Variants in PCDH15 observed in about 807,000 individuals in gnomAD.
The protein encoded by PCDH15 is protocadherin-15.
A neutral mutation model predicts 178.5 loss-of-function variants in PCDH15; 129 were observed. The observed-to-expected ratio is 0.72, with a 90% CI of 0.63 to 0.84. The LOEUF (loss-of-function observed/expected upper bound fraction) is 0.84. Among genes scored for constraint, PCDH15 ranks in the 40% least tolerant of loss-of-function variants. PCDH15 has a pLI of 0.00. For missense variants in PCDH15, 2,230 were observed against 2,099.9 expected (o/e 1.06, Z -1.21); for synonymous variants, 800 against 732.0 (o/e 1.09, Z -1.50).
At chr10:54,766,159 G>C (rs1948488213) in intron 1 of PCDH15, among the ~76,000 whole-genome samples, 1 of 152,048 alleles carries the variant, frequency 6.6e-6, no homozygotes, top group African/African-American at 2.4e-5. Flanking sequence ...AATAAAATGA[G>C]TAATACGTTT....
At chr10:54,281,345 A>G (rs1056760446) in intron 8 of PCDH15, among the ~76,000 whole-genome samples, 4 of 152,006 alleles carry the variant, frequency 2.6e-5, no homozygotes, top group Non-Finnish European at 5.9e-5. Flanking sequence ...ACCTGGCATC[A>G]TGTCTAAAAA....
intron 1 of PCDH15, among the ~76,000 whole-genome samples, chr10:54,707,855 G>A (rs1008503258): frequency 1.3e-5 from 2 of 152,108 alleles, no homozygotes; most frequent in East Asian, 3.9e-4. Context: ...CCCATAAAGA[G>A]ATCATTTTAA....
At chr10:54,673,169 C>T (rs1265583444) in intron 1 of PCDH15, among the ~76,000 whole-genome samples, 2 of 152,030 alleles carry the variant, frequency 1.3e-5, no homozygotes, top group South Asian at 2.1e-4. Context: ...TTTGCTGCAC[C>T]GACCAACCCG....
chr10:54,531,319 T>C (rs1179102642), intron 2 of PCDH15, among the ~76,000 whole-genome samples: 2 of 152,184 alleles, frequency 1.3e-5, no homozygotes, highest in African/African-American at 4.8e-5. Flanking sequence ...TACCAATAAC[T>C]GAATGCTCAG....
At chr10:53,864,417 C>T (rs1263755086) in intron 27 of PCDH15, among the ~76,000 whole-genome samples, 1 of 152,214 alleles carries the variant, frequency 6.6e-6, no homozygotes, top group African/African-American at 2.4e-5. Context: ...CTAAAACCTT[C>T]CCCCTTCCCC....
intron 5 of PCDH15, among the ~76,000 whole-genome samples, chr10:54,359,171 A>G (rs1945566078): frequency 1.3e-5 from 2 of 152,166 alleles, no homozygotes; most frequent in South Asian, 4.2e-4. Context: ...AAAAACAAAA[A>G]ACAAAACACA....
intron 18 of PCDH15, among the ~76,000 whole-genome samples, chr10:54,042,820 C>A (rs2093577676): frequency 6.6e-6 from 1 of 152,082 alleles, no homozygotes. Context: ...CAGAAATTGA[C>A]TGTAAGAGGG....
chr10:53,910,419 C>T (rs924449528), intron 25 of PCDH15, among the ~76,000 whole-genome samples: 2 of 152,098 alleles, frequency 1.3e-5, no homozygotes, highest in African/African-American at 4.8e-5. Flanking sequence ...AGCTAAGGGA[C>T]CTGACTGTTA....
intron 2 of PCDH15, among the ~76,000 whole-genome samples, chr10:55,611,241 A>C (rs1319608043): frequency 1.3e-5 from 2 of 152,154 alleles, no homozygotes; most frequent in Non-Finnish European, 2.9e-5. Context: ...ACAGAATGAG[A>C]GAAAATATTT....
In PCDH15 at chr10:54,630,647, A is replaced by T. The variant is rs574821885; in HGVS notation, c.91+33525T>A. Among the ~76,000 whole-genome samples the T allele has an allele frequency of 2.6e-5, 4 of 152,298 alleles. No individual in the cohort carries two copies. In the South Asian group the frequency reaches 6.2e-4, roughly 24 times the overall value. On this transcript the variant is annotated intron_variant, in intron 2 of 37. Coordinates refer to ENST00000644397, the MANE Select transcript of PCDH15 (RefSeq NM_001384140.1). ...ATTGCAAAAACAAAAATTACAAAAA[A>T]TAAAAATTGACAGTTGGGACCCTAA... is the stretch of plus-strand genomic sequence containing the variant.
chr10:55,476,390 T>C (rs1840062503), intron 2 of PCDH15, among the ~76,000 whole-genome samples: 1 of 152,044 alleles, frequency 6.6e-6, no homozygotes, highest in Non-Finnish European at 1.5e-5. Context: ...TCTCATTCCA[T>C]CATCATGCAG....
chr10:54,197,183 G>A (rs1485847870), intron 10 of PCDH15, among the ~76,000 whole-genome samples: 1 of 150,284 alleles, frequency 6.7e-6, no homozygotes. Context: ...ATATTCTTAT[G>A]TATAAATTTT....
chr10:54,875,277 TA>T (rs1170336934), intron 3 of PCDH15, among the ~76,000 whole-genome samples: 1 of 152,134 alleles, frequency 6.6e-6, no homozygotes, highest in African/African-American at 2.4e-5. Flanking sequence ...TATAAGACAG[TA>T]AACTTAATTG....
chr10:54,595,184 T>G (rs1293489861), intron 2 of PCDH15, among the ~76,000 whole-genome samples: 1 of 152,180 alleles, frequency 6.6e-6, no homozygotes, highest in Admixed American at 6.5e-5. Flanking sequence ...ACAAAATGCT[T>G]TGGCTGGGAG....
intron 2 of PCDH15, among the ~76,000 whole-genome samples, chr10:55,552,003 C>A (rs770904926): frequency 6.6e-6 from 1 of 151,578 alleles, no homozygotes; most frequent in Non-Finnish European, 1.5e-5. Flanking sequence ...TCTAAACTCT[C>A]GCTAAAAAGA....
intron 2 of PCDH15, among the ~76,000 whole-genome samples, chr10:55,528,472 C>T (rs1471614772): frequency 2.0e-5 from 3 of 151,876 alleles, no homozygotes; most frequent in Non-Finnish European, 2.9e-5. Flanking sequence ...TGAGAACATG[C>T]GGTGTTTGGT....
intron 2 of PCDH15, among the ~76,000 whole-genome samples, chr10:54,908,253 T>C (rs192832943): frequency 1.3e-5 from 2 of 152,302 alleles, no homozygotes; most frequent in Admixed American, 6.5e-5. Context: ...TCAGTTATAG[T>C]GCATAGCCAG....
intron 3 of PCDH15, among the ~76,000 whole-genome samples, chr10:54,499,796 T>C (rs1226457355): frequency 3.9e-5 from 6 of 152,152 alleles, no homozygotes; most frequent in African/African-American, 1.4e-4. Flanking sequence ...ACCTGAAAGC[T>C]AGCAGAAGTA....
At chr10:54,830,650 G>A (rs1411872549) in intron 3 of PCDH15, among the ~76,000 whole-genome samples, 1 of 151,450 alleles carries the variant, frequency 6.6e-6, no homozygotes, top group Non-Finnish European at 1.5e-5. Context: ...CGAGTTAATG[G>A]GTGCAGCACA....
Sources: gnomAD v4.1 joint callset for allele counts (sites outside exome capture counted in the v4.1 genomes callset) on GRCh38, gnomAD v4.1.1 for gene constraint, MANE v1.5 for transcripts, NCBI Gene and HGNC (gene_info 2026-07-23, HGNC 2026-07-21) for gene names.